XKR6: variants seen among roughly 807,000 people sequenced by gnomAD.
XKR6 encodes the protein XK-related protein 6.
A neutral mutation model predicts 56.7 loss-of-function variants in XKR6; 22 were observed. The ratio of observed to expected loss-of-function variants is 0.39; its 90% CI spans 0.28 to 0.55. The LOEUF (loss-of-function observed/expected upper bound fraction) is 0.55, where lower values mean the gene tolerates loss of function less well. Ranked by LOEUF, XKR6 falls within the 20% of genes least tolerant of loss-of-function variation. XKR6 has a pLI of 0.66. For synonymous variants in XKR6, 524 were observed against 387.8 expected (o/e 1.35, Z -4.13); for missense variants, 852 against 889.0 (o/e 0.96, Z 0.53).
intron 1 of XKR6, among the ~76,000 whole-genome samples, chr8:10,939,040 G>C (rs1200218651): frequency 6.6e-6 from 1 of 152,158 alleles, no homozygotes; most frequent in African/African-American, 2.4e-5. Context: ...TATCTGCAAG[G>C]ACCTTTTCCT....
intron 1 of XKR6, among the ~76,000 whole-genome samples, chr8:11,041,615 G>C (rs180868066): frequency 1.6e-4 from 25 of 152,250 alleles, no homozygotes; most frequent in African/African-American, 6.0e-4. Context: ...AGATGCAAAG[G>C]GAGGAGCCAA....
chr8:10,917,256 G>T (rs568513092), intron 2 of XKR6, among the ~76,000 whole-genome samples: 1 of 152,292 alleles, frequency 6.6e-6, no homozygotes, highest in African/African-American at 2.4e-5. Context: ...TACCCTCCTT[G>T]CTGTGTGACT....
chr8:11,114,727 ATGTGTG>A (rs58011023), intron 1 of XKR6, among the ~76,000 whole-genome samples: 4,331 of 118,416 alleles, frequency 0.037, 124 homozygotes, highest in South Asian at 0.074. Context: ...TAGATCACAT[ATGTGTG>A]TGTGTGTGTG....
At chr8:10,950,263 C>T (rs1445261087) in intron 1 of XKR6, among the ~76,000 whole-genome samples, 1 of 152,234 alleles carries the variant, frequency 6.6e-6, no homozygotes, top group Admixed American at 6.5e-5. Context: ...TCTGTGCTCC[C>T]AGCCCCCGGC....
chr8:11,170,670 C>A (rs969119451), intron 1 of XKR6, among the ~76,000 whole-genome samples: 4 of 152,172 alleles, frequency 2.6e-5, no homozygotes, highest in African/African-American at 9.7e-5. Context: ...AACAATCGCA[C>A]AATCTAAGTG....
At chr8:10,977,865 T>C (rs895077039) in intron 1 of XKR6, among the ~76,000 whole-genome samples, 7 of 151,876 alleles carry the variant, frequency 4.6e-5, no homozygotes, top group Non-Finnish European at 7.4e-5. Flanking sequence ...AGCTAATTTT[T>C]GAAAAAGTGT....
At chr8:10,984,718 CTCTCTCTCTCTCTCTA>C (rs1216111773) in intron 1 of XKR6, among the ~76,000 whole-genome samples, 2 of 85,012 alleles carry the variant, frequency 2.4e-5, no homozygotes, top group African/African-American at 1.0e-4. Context: ...CTCTCTCTCT[CTCTCTCTCTCTCTCTA>C]TATATATATA....
intron 1 of XKR6, among the ~76,000 whole-genome samples, chr8:10,960,427 C>T (rs79184510): frequency 0.019 from 2,931 of 152,330 alleles, 52 homozygotes; most frequent in African/African-American, 0.049. Context: ...CATGCTTACT[C>T]TGAAGGCCGG....
intron 1 of XKR6, among the ~76,000 whole-genome samples, chr8:11,149,384 T>C (rs1801152467): frequency 1.3e-5 from 2 of 152,186 alleles, no homozygotes; most frequent in Non-Finnish European, 2.9e-5. Flanking sequence ...AATACAGTAT[T>C]ATAATTTTAT....
At chr8:11,124,036 T>C (rs1470458764) in intron 1 of XKR6, 3 of 456,186 alleles carry the variant, frequency 6.6e-6, no homozygotes, top group Admixed American at 2.3e-5. Flanking sequence ...AAGCAATCTC[T>C]AGGCCCCTCC....
intron 2 of XKR6, among the ~76,000 whole-genome samples, chr8:10,919,267 A>T (rs1800647285): frequency 6.6e-6 from 1 of 152,166 alleles, no homozygotes; most frequent in African/African-American, 2.4e-5. Context: ...GTTCCTGCTC[A>T]TCATTTGTAC....
At chr8:11,133,091 T>C (rs959701604) in intron 1 of XKR6, among the ~76,000 whole-genome samples, 3 of 152,156 alleles carry the variant, frequency 2.0e-5, no homozygotes, top group African/African-American at 7.2e-5. Context: ...AAAGCAAATA[T>C]ATGAATATAG....
intron 1 of XKR6, chr8:11,137,515 C>T (rs184020421): frequency 4.2e-5 from 19 of 455,466 alleles, no homozygotes; most frequent in South Asian, 1.2e-4. Flanking sequence ...ACCTAGGAGA[C>T]GGCCAGGCAA....
In XKR6 at chr8:10,898,927, GAC is replaced by G. The variant is rs1370247022; in HGVS notation, c.962-13_962-12del. ...TCACAGAGGAGACACCTGCCGGAAA[GAC>G]ACAAACCCACACAGTCAAAACCTTG... On this transcript the variant is annotated splice_polypyrimidine_tract_variant and intron_variant, in intron 2 of 2. Coordinates refer to ENST00000416569, the MANE Select transcript of XKR6 (RefSeq NM_173683.4). This position sits in a 1 kb window ranked among gnomAD's most constrained non-coding sequence, Gnocchi z 6.6. 2 of 1,589,064 alleles carry G rather than the reference GAC, an allele frequency of 1.3e-6. No individual in the cohort carries two copies. The highest frequency in any genetic ancestry group is 3.5e-5 in the Admixed American group (2 of 57,752).
chr8:11,045,166 A>C (rs1260008892), intron 1 of XKR6, among the ~76,000 whole-genome samples: 1 of 136,868 alleles, frequency 7.3e-6, no homozygotes. Flanking sequence ...AGCTCATTGC[A>C]ACCTCTGCCT....
At chr8:11,003,179 A>G (rs994539073) in intron 1 of XKR6, among the ~76,000 whole-genome samples, 1 of 152,170 alleles carries the variant, frequency 6.6e-6, no homozygotes, top group Non-Finnish European at 1.5e-5. Context: ...TACGTACTCT[A>G]TGTCAGACAC....
intron 1 of XKR6, among the ~76,000 whole-genome samples, chr8:10,943,015 C>T (rs545516489): frequency 6.6e-6 from 1 of 152,312 alleles, no homozygotes; most frequent in East Asian, 1.9e-4. Context: ...AAAGGAGGGG[C>T]CAGGAAGGCT....
At chr8:11,126,881 A>C (rs1167800880) in intron 1 of XKR6, among the ~76,000 whole-genome samples, 2 of 152,214 alleles carry the variant, frequency 1.3e-5, no homozygotes, top group Non-Finnish European at 2.9e-5. Context: ...TATAAACCAA[A>C]GGGACCCAGA....
intron 1 of XKR6, among the ~76,000 whole-genome samples, chr8:10,972,342 C>T (rs1257936812): frequency 1.3e-5 from 2 of 152,180 alleles, no homozygotes; most frequent in African/African-American, 4.8e-5. Flanking sequence ...CAATTCTTTC[C>T]TGCTGAGCTG....
Sources: gnomAD v4.1 joint callset for allele counts (sites outside exome capture counted in the v4.1 genomes callset) on GRCh38, gnomAD v4.1.1 for gene constraint, Gnocchi (gnomAD v3.1) non-coding constraint, MANE v1.5 for transcripts, NCBI Gene and HGNC (gene_info 2026-07-23, HGNC 2026-07-21) for gene names.